The following NYAP2 variants were observed in gnomAD, a reference collection of about 807,000 sequenced individuals.
NYAP2 encodes the protein neuronal tyrosine-phosphorylated phosphoinositide-3-kinase adaptor 2, also known as neuronal tyrosine-phosphorylated phosphoinositide-3-kinase adapter 2.
In NYAP2, 23 loss-of-function variants were observed where a neutral mutation model predicts 50.4. The ratio of observed to expected loss-of-function variants is 0.46; its 90% CI spans 0.33 to 0.65. The LOEUF (loss-of-function observed/expected upper bound fraction) is 0.65. NYAP2 is among the 30% of genes least tolerant of loss of function. NYAP2 has a pLI of 0.02. For missense variants in NYAP2, 885 were observed against 861.0 expected, an observed-to-expected ratio of 1.03 and a Z score of -0.35; for synonymous variants, 394 against 365.2, an observed-to-expected ratio of 1.08 and a Z score of -0.90.
intron 3 of NYAP2, among the ~76,000 whole-genome samples, chr2:225,462,794 T>TA (rs11407608): frequency 0.14 from 21,509 of 152,052 alleles, 2,333 homozygotes; most frequent in African/African-American, 0.31. Context: ...GTTGGTCCAT[T>TA]AAAAAAACTG....
At chr2:225,536,108 C>T (rs1691345370) in intron 4 of NYAP2, among the ~76,000 whole-genome samples, 1 of 152,162 alleles carries the variant, frequency 6.6e-6, no homozygotes, top group Non-Finnish European at 1.5e-5. Flanking sequence ...TAAATAATTG[C>T]AAAAGGCTGT....
chr2:225,649,916 C>T (rs1341407293), intron 6 of NYAP2, among the ~76,000 whole-genome samples: 1 of 152,190 alleles, frequency 6.6e-6, no homozygotes, highest in Non-Finnish European at 1.5e-5. Context: ...GCTCTAAGTC[C>T]AAACCTTGTT....
intron 3 of NYAP2, among the ~76,000 whole-genome samples, chr2:225,412,446 A>G (rs568213196): frequency 6.6e-6 from 1 of 151,884 alleles, no homozygotes; most frequent in East Asian, 1.9e-4. Flanking sequence ...AACATTTTAG[A>G]TGGAGCACGG....
At chr2:225,475,806 T>C (rs1164163772) in intron 3 of NYAP2, among the ~76,000 whole-genome samples, 1 of 152,216 alleles carries the variant, frequency 6.6e-6, no homozygotes, top group African/African-American at 2.4e-5. Context: ...CTGACAAATA[T>C]ACTTGTTTCA....
At chr2:225,539,050 G>A (rs1691409400) in intron 4 of NYAP2, among the ~76,000 whole-genome samples, 1 of 151,958 alleles carries the variant, frequency 6.6e-6, no homozygotes, top group South Asian at 2.1e-4. Flanking sequence ...CCGTGTCTGT[G>A]TGTTCTCATT....
chr2:225,583,968 G>A (rs1036658234), intron 5 of NYAP2, among the ~76,000 whole-genome samples: 5 of 152,084 alleles, frequency 3.3e-5, no homozygotes, highest in Admixed American at 2.6e-4. Flanking sequence ...CGCGAACCCG[G>A]GAGGCAGAGC....
At chr2:225,401,733 C>A (rs904555556) in intron 2 of NYAP2, among the ~76,000 whole-genome samples, 4 of 151,182 alleles carry the variant, frequency 2.6e-5, no homozygotes, top group African/African-American at 9.8e-5. Flanking sequence ...ATTTTAAATA[C>A]AAGACATGTG....
At chr2:225,441,171 G>A (rs557039970) in intron 3 of NYAP2, among the ~76,000 whole-genome samples, 1 of 152,304 alleles carries the variant, frequency 6.6e-6, no homozygotes, top group African/African-American at 2.4e-5. Flanking sequence ...CCACAGGCAT[G>A]AAGCTCTGCA....
intron 4 of NYAP2, among the ~76,000 whole-genome samples, chr2:225,577,806 A>ATT (rs10595085): frequency 6.8e-6 from 1 of 148,016 alleles, no homozygotes; most frequent in Non-Finnish European, 1.5e-5. Context: ...TGAAAAGCAG[A>ATT]TTTTTTTTTT....
chr2:225,597,425 T>C (rs1411579790), intron 5 of NYAP2, among the ~76,000 whole-genome samples: 1 of 148,404 alleles, frequency 6.7e-6, no homozygotes, highest in Non-Finnish European at 1.5e-5. Context: ...GTTATTTCAC[T>C]TATGATAATG....
intron 2 of NYAP2, among the ~76,000 whole-genome samples, chr2:225,401,478 A>G (rs1020291245): frequency 6.6e-6 from 1 of 152,050 alleles, no homozygotes; most frequent in African/African-American, 2.4e-5. Context: ...AGGAGAAAAG[A>G]CACAGTATCC....
intron 4 of NYAP2, among the ~76,000 whole-genome samples, chr2:225,560,933 G>T (rs959894009): frequency 2.4e-4 from 33 of 136,442 alleles, no homozygotes; most frequent in Non-Finnish European, 3.7e-4. Context: ...TTTCCAAAAC[G>T]TTTTTTTTTT....
At chr2:225,620,231 T>A (rs540741638) in intron 5 of NYAP2, among the ~76,000 whole-genome samples, 2 of 152,382 alleles carry the variant, frequency 1.3e-5, no homozygotes, top group South Asian at 4.1e-4. Context: ...TCAATATATC[T>A]TATTTACATA....
the NYAP2 span, among the ~76,000 whole-genome samples, chr2:225,677,650 T>C: frequency 6.6e-6 from 1 of 152,220 alleles, no homozygotes; most frequent in Non-Finnish European, 1.5e-5. Flanking sequence ...TTGAAGTCTT[T>C]CTCTGCATCT....
the NYAP2 span, among the ~76,000 whole-genome samples, chr2:225,669,962 C>T: frequency 6.6e-6 from 1 of 152,136 alleles, no homozygotes; most frequent in African/African-American, 2.4e-5. Context: ...ACCCAGGTTG[C>T]AGCGATTCAC....
chr2:225,653,897 T>A (rs1428271962), exon 7 of NYAP2: 1 of 152,086 alleles, frequency 6.6e-6, no homozygotes, highest in Non-Finnish European at 1.5e-5. Context: ...CGGGCGCCTG[T>A]AGTCCCAGCT....
At chr2:225,560,771 G>A (rs1435595644) in intron 4 of NYAP2, among the ~76,000 whole-genome samples, 3 of 152,008 alleles carry the variant, frequency 2.0e-5, no homozygotes, top group East Asian at 3.8e-4. Flanking sequence ...GGAAACAAAG[G>A]AGCAGGGAAA....
intron 3 of NYAP2, among the ~76,000 whole-genome samples, chr2:225,506,738 G>C (rs1443098643): frequency 6.6e-6 from 1 of 152,106 alleles, no homozygotes; most frequent in Non-Finnish European, 1.5e-5. Flanking sequence ...CATTCATAGA[G>C]AAATGCCCAC....
chr2:225,653,022 G>T (rs1186571736), exon 7 of NYAP2: 2 of 151,942 alleles, frequency 1.3e-5, no homozygotes, highest in East Asian at 3.9e-4. Context: ...ATAACTAAAT[G>T]TACCAACTCA....
Sources: gnomAD v4.1 joint callset for allele counts (sites outside exome capture counted in the v4.1 genomes callset) on GRCh38, gnomAD v4.1.1 for gene constraint, MANE v1.5 for transcripts, NCBI Gene and HGNC (gene_info 2026-07-23, HGNC 2026-07-21) for gene names.